EPM2A: variants seen among roughly 807,000 people sequenced by gnomAD.
The protein encoded by EPM2A is laforin.
A neutral mutation model predicts 26.5 loss-of-function variants in EPM2A; 21 were observed. The observed-to-expected ratio is 0.79, with a 90% CI of 0.56 to 1.14. EPM2A has a LOEUF of 1.14. EPM2A is among the 50% of genes most tolerant of loss of function. The probability of loss-of-function intolerance (pLI) is 0.00; values close to 1 mark genes in which losing one functional copy is unlikely to be tolerated. For missense variants in EPM2A, 458 were observed against 440.8 expected, an observed-to-expected ratio of 1.04 and a Z score of -0.35; for synonymous variants, 217 against 177.6, an observed-to-expected ratio of 1.22 and a Z score of -1.76.
intron 4 of EPM2A, among the ~76,000 whole-genome samples, chr6:145,494,574 G>A (rs188675442): frequency 7.2e-5 from 11 of 152,240 alleles, no homozygotes; most frequent in East Asian, 5.8e-4. Flanking sequence ...TAGTTGGGAC[G>A]TTAGGTTGTT....
intron 2 of EPM2A, among the ~76,000 whole-genome samples, chr6:145,578,105 G>T (rs894660343): frequency 1.3e-5 from 2 of 151,520 alleles, no homozygotes; most frequent in African/African-American, 4.8e-5. Flanking sequence ...AAAGTAGAAA[G>T]ACAAAAAAAC....
intron 4 of EPM2A, among the ~76,000 whole-genome samples, chr6:145,390,285 A>G (rs1347650417): frequency 6.6e-6 from 1 of 152,044 alleles, no homozygotes; most frequent in Non-Finnish European, 1.5e-5. Flanking sequence ...GCTTTACTCA[A>G]AATTCACCAA....
At chr6:145,501,537 T>C, downstream of EPM2A, 1 of 264,466 alleles carries the variant, frequency 3.8e-6, no homozygotes, top group Non-Finnish European at 7.5e-6. Flanking sequence ...ACATAACTGG[T>C]AGACTTGTGT....
At chr6:145,698,907 T>C (rs1017293159) in intron 1 of EPM2A, among the ~76,000 whole-genome samples, 18 of 152,152 alleles carry the variant, frequency 1.2e-4, no homozygotes, top group African/African-American at 3.6e-4. Context: ...AGGCAGATGG[T>C]GGCTATCTGC....
intron 2 of EPM2A, among the ~76,000 whole-genome samples, chr6:145,600,782 T>G (rs888203574): frequency 6.6e-6 from 1 of 152,202 alleles, no homozygotes; most frequent in Non-Finnish European, 1.5e-5. Context: ...AGGCAGTTTA[T>G]CCTGACAACC....
chr6:145,567,268 T>G (rs1292596601), intron 2 of EPM2A, among the ~76,000 whole-genome samples: 1 of 152,242 alleles, frequency 6.6e-6, no homozygotes, highest in East Asian at 1.9e-4. Context: ...TTAAGAACTG[T>G]ATTTTTCTCT....
chr6:145,510,386 G>A (rs1241843526), intron 2 of EPM2A, among the ~76,000 whole-genome samples: 2 of 151,976 alleles, frequency 1.3e-5, no homozygotes, highest in African/African-American at 4.8e-5. Context: ...AATGATACCA[G>A]CCATACTCTC....
At chr6:145,668,997 A>T (rs1779447526) in intron 2 of EPM2A, among the ~76,000 whole-genome samples, 1 of 152,094 alleles carries the variant, frequency 6.6e-6, no homozygotes, top group Non-Finnish European at 1.5e-5. Flanking sequence ...GTGTGTATAT[A>T]TGAGTGAGTG....
At chr6:145,475,237 C>T (rs1201983582) in intron 4 of EPM2A, among the ~76,000 whole-genome samples, 1 of 152,046 alleles carries the variant, frequency 6.6e-6, no homozygotes, top group African/African-American at 2.4e-5. Flanking sequence ...CAATGATAGA[C>T]TAGATAAAGA....
rs372861345 is a variant in EPM2A, at chr6:145,581,721, C to T, written c.340+53524G>A. On this transcript the variant is annotated intron_variant, in intron 2 of 3. Transcript: ENST00000450221. ...ATTCTGCCTACAACTGGCCAGTTATCCCAACACCATTTATTGAATAGGGAG... is the reference window on the plus strand; with the variant it reads ...ATTCTGCCTACAACTGGCCAGTTATTCCAACACCATTTATTGAATAGGGAG... Among the ~76,000 whole-genome samples, 8 of 152,230 alleles carry T rather than the reference C, an allele frequency of 5.3e-5. No individual in the cohort carries two copies. The East Asian group carries it at 9.6e-4, about 18-fold the overall frequency.
intron 1 of EPM2A, among the ~76,000 whole-genome samples, chr6:145,703,990 C>T (rs111864497): frequency 0.01 from 1,544 of 152,212 alleles, 21 homozygotes; most frequent in African/African-American, 0.035. Flanking sequence ...ATTTTAAAAA[C>T]ATTATTTTAA....
intron 2 of EPM2A, among the ~76,000 whole-genome samples, chr6:145,592,790 T>G (rs1321197090): frequency 1.3e-5 from 2 of 151,924 alleles, no homozygotes; most frequent in Non-Finnish European, 2.9e-5. Context: ...AAAAGCTTTT[T>G]TAAAGAAGCA....
chr6:145,693,492 CA>C (rs1449964185), intron 1 of EPM2A, among the ~76,000 whole-genome samples: 3 of 151,814 alleles, frequency 2.0e-5, no homozygotes, highest in Admixed American at 6.6e-5. Flanking sequence ...CATGAACATA[CA>C]GAGTGAAATA....
intron 3 of EPM2A, among the ~76,000 whole-genome samples, chr6:145,632,572 T>A (rs371621907): frequency 6.6e-6 from 1 of 152,200 alleles, no homozygotes; most frequent in African/African-American, 2.4e-5. Flanking sequence ...ATTCCACATA[T>A]GACAAAAGCA....
intron 2 of EPM2A, among the ~76,000 whole-genome samples, chr6:145,585,499 A>G (rs1414540605): frequency 6.6e-6 from 1 of 152,072 alleles, no homozygotes; most frequent in African/African-American, 2.4e-5. Flanking sequence ...GCAATGTCGA[A>G]TACCATTCAT....
downstream of EPM2A, among the ~76,000 whole-genome samples, chr6:145,498,484 C>G (rs1202911657): frequency 1.3e-5 from 2 of 152,220 alleles, no homozygotes; most frequent in African/African-American, 2.4e-5. Context: ...TCACACAGCT[C>G]TGTGTGTCAG....
intron 1 of EPM2A, among the ~76,000 whole-genome samples, chr6:145,719,172 C>T (rs902592630): frequency 1.5e-4 from 22 of 151,064 alleles, no homozygotes; most frequent in African/African-American, 3.7e-4. Flanking sequence ...CACATGCACA[C>T]GTATGTTTAT....
intron 2 of EPM2A, among the ~76,000 whole-genome samples, chr6:145,568,371 G>A (rs1780911932): frequency 6.6e-6 from 1 of 150,584 alleles, no homozygotes; most frequent in African/African-American, 2.4e-5. Flanking sequence ...CCAGGCTGGA[G>A]TGCAGTGGCA....
At chr6:145,528,774 C>T (rs150563445) in intron 2 of EPM2A, among the ~76,000 whole-genome samples, 1,758 of 152,190 alleles carry the variant, frequency 0.012, 19 homozygotes, top group Non-Finnish European at 0.019. Context: ...TTAAGAAATA[C>T]ATCTCATAGA....
Sources: gnomAD v4.1 joint callset for allele counts (sites outside exome capture counted in the v4.1 genomes callset) on GRCh38, gnomAD v4.1.1 for gene constraint, MANE v1.5 for transcripts, NCBI Gene and HGNC (gene_info 2026-07-23, HGNC 2026-07-21) for gene names.